Variants in DLG2 observed in about 807,000 individuals in gnomAD.
DLG2 encodes the protein discs large MAGUK scaffold protein 2.
Under a neutral mutation model 132.5 loss-of-function variants are expected in DLG2, and 45 were observed. The ratio of observed to expected loss-of-function variants is 0.34; its 90% CI spans 0.27 to 0.44. The LOEUF is 0.44. Among genes scored for constraint, DLG2 ranks in the 20% least tolerant of loss-of-function variants. The pLI, the probability that DLG2 is intolerant of heterozygous loss-of-function variation, is 1.00. For missense variants in DLG2, 1,045 were observed against 1,196.9 expected (o/e 0.87, Z 1.87); for synonymous variants, 424 against 419.6 (o/e 1.01, Z -0.13).
At chr11:83,726,806 C>A (rs186988798) in intron 18 of DLG2, among the ~76,000 whole-genome samples, 5 of 152,016 alleles carry the variant, frequency 3.3e-5, no homozygotes, top group African/African-American at 7.2e-5. Context: ...TGAGGAGTAT[C>A]ATGAAGACTT....
intron 17 of DLG2, among the ~76,000 whole-genome samples, chr11:83,789,217 T>C (rs2040832123): frequency 6.6e-6 from 1 of 152,186 alleles, no homozygotes; most frequent in Non-Finnish European, 1.5e-5. Context: ...AGTAATAGAT[T>C]AAAAATTCAT....
chr11:83,738,825 G>C (rs998192720), intron 18 of DLG2, among the ~76,000 whole-genome samples: 2 of 151,936 alleles, frequency 1.3e-5, no homozygotes, highest in African/African-American at 4.8e-5. Flanking sequence ...CTGCCATCTG[G>C]ACCATGAAAG....
At chr11:84,247,521 G>C (rs1230960204) in intron 8 of DLG2, among the ~76,000 whole-genome samples, 1 of 152,056 alleles carries the variant, frequency 6.6e-6, no homozygotes, top group African/African-American at 2.4e-5. Flanking sequence ...TTCATATAGG[G>C]ATTCCTGCTT....
chr11:85,443,895 A>G (rs1412088387), intron 3 of DLG2, among the ~76,000 whole-genome samples: 2 of 152,086 alleles, frequency 1.3e-5, no homozygotes, highest in African/African-American at 4.8e-5. Context: ...GTAAGCCCTA[A>G]TTTTTTCAGG....
intron 16 of DLG2, among the ~76,000 whole-genome samples, chr11:83,869,758 G>A (rs1252110527): frequency 1.3e-5 from 2 of 152,126 alleles, no homozygotes; most frequent in Admixed American, 1.3e-4. Flanking sequence ...CCCTGAAGGT[G>A]GTCATTTAGT....
At chr11:84,094,936 T>G (rs984306418) in intron 10 of DLG2, among the ~76,000 whole-genome samples, 1 of 152,212 alleles carries the variant, frequency 6.6e-6, no homozygotes, top group African/African-American at 2.4e-5. Flanking sequence ...TAGGGGTTTT[T>G]TTTAAGCAAA....
rs1180595486 is a variant in DLG2, at chr11:83,797,513, G to T, written c.1723-10721C>A. Among the ~76,000 whole-genome samples the T allele has an allele frequency of 7.4e-4, 110 of 149,146 alleles. No individual in the cohort carries two copies. The East Asian group carries it at 0.02, about 27-fold the overall frequency. ...AAGTGTCTGCATTCTTTTTTTTTTTGTTTTGTTTTTGTTTTTGTTTTTTGA... is the reference window on the plus strand; with the variant it reads ...AAGTGTCTGCATTCTTTTTTTTTTTTTTTTGTTTTTGTTTTTGTTTTTTGA... On this transcript the variant is annotated intron_variant, in intron 17 of 27. Transcript: ENST00000376104.
chr11:84,652,675 T>A (rs1341031477), intron 6 of DLG2, among the ~76,000 whole-genome samples: 1 of 152,156 alleles, frequency 6.6e-6, no homozygotes, highest in Non-Finnish European at 1.5e-5. Flanking sequence ...AATTATCATG[T>A]TTAATACTTA....
intron 11 of DLG2, among the ~76,000 whole-genome samples, chr11:83,999,880 A>C (rs2094250438): frequency 6.6e-6 from 1 of 152,180 alleles, no homozygotes; most frequent in Non-Finnish European, 1.5e-5. Context: ...AATCCCCTAC[A>C]AAAGCAAATT....
At chr11:84,064,095 T>C (rs1201099311) in intron 10 of DLG2, among the ~76,000 whole-genome samples, 1 of 152,056 alleles carries the variant, frequency 6.6e-6, no homozygotes, top group African/African-American at 2.4e-5. Flanking sequence ...ACATGTACCC[T>C]AGAACTTAAA....
rs139200308 is a variant in DLG2 at position 83,720,096 on chromosome 11, C to T, written c.1825+66594G>A. ...TCACCTGAGGTCAGGAGCTCGAGAC[C>T]AGCCTGGTCAACATGGCAAAACCCC... On this transcript the variant is annotated intron_variant, in intron 18 of 27. Transcript: ENST00000376104. 5.3e-4 allele frequency among the ~76,000 whole-genome samples: 81 copies of T among 151,754 alleles called. No homozygotes were observed. In the East Asian group the frequency reaches 0.013, roughly 25 times the overall value.
chr11:83,949,075 T>C (rs1207443649), intron 14 of DLG2, among the ~76,000 whole-genome samples: 1 of 152,248 alleles, frequency 6.6e-6, no homozygotes, highest in Admixed American at 6.5e-5. Context: ...AATGAATTTT[T>C]ACATTTTTTC....
chr11:85,014,193 C>T (rs1182008197), intron 6 of DLG2, among the ~76,000 whole-genome samples: 1 of 152,160 alleles, frequency 6.6e-6, no homozygotes, highest in East Asian at 1.9e-4. Flanking sequence ...CTTGGGCAAA[C>T]TGCTTAACTT....
intron 7 of DLG2, among the ~76,000 whole-genome samples, chr11:84,322,016 C>T (rs886502517): frequency 2.0e-5 from 3 of 152,216 alleles, no homozygotes; most frequent in African/African-American, 7.2e-5. Flanking sequence ...GTACCCTTTT[C>T]CCCAAACAGA....
intron 8 of DLG2, among the ~76,000 whole-genome samples, chr11:84,244,075 T>C (rs1236559882): frequency 6.6e-6 from 1 of 152,232 alleles, no homozygotes; most frequent in Non-Finnish European, 1.5e-5. Context: ...CTTTATACTC[T>C]TTTGTTACTC....
chr11:84,743,228 A>G (rs575377951), intron 6 of DLG2, among the ~76,000 whole-genome samples: 2 of 152,268 alleles, frequency 1.3e-5, no homozygotes, highest in East Asian at 3.9e-4. Flanking sequence ...AAGAGAGGGA[A>G]CAGTTTATGT....
chr11:85,361,727 C>A (rs1272375264), intron 3 of DLG2, among the ~76,000 whole-genome samples: 4 of 152,166 alleles, frequency 2.6e-5, no homozygotes. Context: ...AATTTGAAGT[C>A]AGTAATGTGA....
chr11:85,417,942 T>C (rs1388890130), intron 3 of DLG2, among the ~76,000 whole-genome samples: 1 of 152,182 alleles, frequency 6.6e-6, no homozygotes, highest in African/African-American at 2.4e-5. Flanking sequence ...TCTCTTTCAG[T>C]TCTGCTCTGA....
intron 3 of DLG2, among the ~76,000 whole-genome samples, chr11:85,530,352 G>C (rs1293672925): frequency 7.2e-6 from 1 of 139,728 alleles, no homozygotes; most frequent in Middle Eastern, 4.8e-3. Context: ...ACAGAGTCTC[G>C]CTCTGTTGCC....
Sources: allele counts gnomAD v4.1 joint callset (sites outside exome capture counted in the v4.1 genomes callset), GRCh38; gene constraint gnomAD v4.1.1; transcripts MANE v1.5; gene names NCBI Gene and HGNC (gene_info 2026-07-23, HGNC 2026-07-21).